Variants in SPAG16 observed in about 807,000 individuals in gnomAD.
SPAG16 encodes the protein sperm-associated antigen 16 protein.
In SPAG16, 86 loss-of-function variants were observed where a neutral mutation model predicts 80.4. The observed-to-expected ratio is 1.07, with a 90% CI of 0.90 to 1.28. The LOEUF is 1.28. Among genes scored for constraint, SPAG16 ranks in the 50% most tolerant of loss-of-function variants. The pLI, the probability that SPAG16 is intolerant of heterozygous loss-of-function variation, is 0.00. For synonymous variants in SPAG16, 294 were observed against 265.9 expected, an observed-to-expected ratio of 1.11 and a Z score of -1.03; for missense variants, 870 against 765.3, an observed-to-expected ratio of 1.14 and a Z score of -1.61.
intron 15 of SPAG16, among the ~76,000 whole-genome samples, chr2:214,337,263 G>C (rs1427973490): frequency 6.6e-6 from 1 of 152,150 alleles, no homozygotes; most frequent in Non-Finnish European, 1.5e-5. Context: ...TAGGAAGCTT[G>C]TTGTAAAAAT....
Position 213,940,828 on chromosome 2 carries a change from A to C in SPAG16, c.1400+10683A>C, listed in dbSNP as rs868801597. 3.3e-5 allele frequency among the ~76,000 whole-genome samples: 5 copies of C among 152,308 alleles called. No homozygotes were observed. In the Middle Eastern group the frequency reaches 0.014, roughly 414 times the overall value. On this transcript the variant is annotated intron_variant, in intron 12 of 15. Transcript: ENST00000331683. Reference sequence around the variant, plus strand: ...ACACACATAAATTGTATATGCAATAACTTCTTACCCCTAACTCTTATTTCC... The same window carrying C: ...ACACACATAAATTGTATATGCAATACCTTCTTACCCCTAACTCTTATTTCC...
chr2:213,821,499 C>T (rs1254244430), intron 10 of SPAG16, among the ~76,000 whole-genome samples: 1 of 151,994 alleles, frequency 6.6e-6, no homozygotes. Context: ...AAGTAATAAT[C>T]ACATCAAAGT....
rs560481712 is a variant in SPAG16, at chr2:213,542,067, G to A, written c.1070+51977G>A. 7.1e-4 allele frequency among the ~76,000 whole-genome samples: 108 copies of A among 152,230 alleles called. 1 individual carries two copies. Among genetic ancestry groups the A allele is most frequent in the African/African-American group, 2.5e-3 (103 of 41,532 alleles). ...ATATTAAACCTGAGCTATACTTGAT[G>A]TATTAAATTAGTTTGATGAGAATTT... On this transcript the variant is annotated intron_variant, in intron 10 of 15. Transcript: ENST00000331683.
At chr2:214,349,696 A>T (rs935793940) in intron 15 of SPAG16, among the ~76,000 whole-genome samples, 2 of 152,242 alleles carry the variant, frequency 1.3e-5, no homozygotes, top group African/African-American at 4.8e-5. Flanking sequence ...TTATGTTCTC[A>T]CCACCAATGC....
chr2:213,546,271 C>A (rs888507669), intron 10 of SPAG16, among the ~76,000 whole-genome samples: 3 of 152,096 alleles, frequency 2.0e-5, no homozygotes, highest in African/African-American at 7.2e-5. Flanking sequence ...ATTTCTCCAT[C>A]TGTTTCCTGT....
intron 10 of SPAG16, among the ~76,000 whole-genome samples, chr2:213,600,093 A>C (rs2061011874): frequency 6.6e-6 from 1 of 152,058 alleles, no homozygotes; most frequent in Non-Finnish European, 1.5e-5. Context: ...GTATTGGTTT[A>C]AAGTTCATAC....
rs541640207 is a variant in SPAG16 at position 213,688,344 on chromosome 2, A to G, written c.1071-174141A>G. Among the ~76,000 whole-genome samples the G allele has an allele frequency of 2.0e-5, 3 of 152,314 alleles. No homozygotes were observed. The South Asian group carries it at 6.2e-4, about 32-fold the overall frequency. ...CTCAGTTAATCTCTTCAGGAATGGG[A>G]GGGCCTGGGAAAACAAAGATCTAGC... On this transcript the variant is annotated intron_variant, in intron 10 of 15. Coordinates refer to ENST00000331683, the MANE Select transcript of SPAG16 (RefSeq NM_024532.5).
chr2:213,395,910 T>TAAA (rs1180030820), intron 9 of SPAG16, among the ~76,000 whole-genome samples: 1 of 152,216 alleles, frequency 6.6e-6, no homozygotes, highest in African/African-American at 2.4e-5. Flanking sequence ...TTCACTTTGT[T>TAAA]TTATTCAGAT....
intron 10 of SPAG16, among the ~76,000 whole-genome samples, chr2:213,548,068 GC>G (rs1047363069): frequency 2.0e-5 from 3 of 152,140 alleles, no homozygotes; most frequent in Admixed American, 1.3e-4. Context: ...ACAGGGAAAA[GC>G]CCCAGAAGAG....
At chr2:214,195,419 T>A (rs1391654555) in intron 15 of SPAG16, among the ~76,000 whole-genome samples, 2 of 151,956 alleles carry the variant, frequency 1.3e-5, no homozygotes, top group Admixed American at 1.3e-4. Context: ...CTCTAACAAC[T>A]CTAGGAAAAG....
intron 4 of SPAG16, among the ~76,000 whole-genome samples, chr2:213,313,523 A>T (rs1438308843): frequency 6.6e-6 from 1 of 151,836 alleles, no homozygotes; most frequent in African/African-American, 2.4e-5. Context: ...AGTGAGTGTC[A>T]CCAAGTCATA....
At chr2:213,326,621 A>G (rs577874446) in intron 5 of SPAG16, among the ~76,000 whole-genome samples, 55 of 152,032 alleles carry the variant, frequency 3.6e-4, no homozygotes, top group Non-Finnish European at 7.2e-4. Context: ...TTTATAACCA[A>G]TTGAAGATAA....
intron 6 of SPAG16, among the ~76,000 whole-genome samples, chr2:213,341,878 G>A (rs1408420590): frequency 3.3e-5 from 5 of 152,050 alleles, no homozygotes; most frequent in African/African-American, 9.7e-5. Flanking sequence ...TATTATGAAC[G>A]TGCTTATTTT....
At chr2:214,026,367 T>C (rs2125028723) in intron 13 of SPAG16, among the ~76,000 whole-genome samples, 1 of 151,590 alleles carries the variant, frequency 6.6e-6, no homozygotes, top group South Asian at 2.1e-4. Context: ...TCTTCTTTGC[T>C]GACAAAACAA....
intron 10 of SPAG16, among the ~76,000 whole-genome samples, chr2:213,641,701 T>C (rs1309686570): frequency 6.6e-6 from 1 of 152,218 alleles, no homozygotes; most frequent in African/African-American, 2.4e-5. Flanking sequence ...GGGTAAATTA[T>C]TCTCTTGTGA....
At chr2:213,542,870 G>A (rs995953277) in intron 10 of SPAG16, among the ~76,000 whole-genome samples, 8 of 152,052 alleles carry the variant, frequency 5.3e-5, no homozygotes, top group Admixed American at 4.6e-4. Context: ...GTAAGCAGTA[G>A]AAAGTGAATA....
intron 6 of SPAG16, among the ~76,000 whole-genome samples, chr2:213,340,748 T>G (rs1344544931): frequency 6.6e-6 from 1 of 152,206 alleles, no homozygotes; most frequent in South Asian, 2.1e-4. Flanking sequence ...TATCTCTAAA[T>G]GACTATGAAT....
intron 15 of SPAG16, among the ~76,000 whole-genome samples, chr2:214,253,679 C>A (rs1191936887): frequency 1.3e-5 from 2 of 152,064 alleles, no homozygotes; most frequent in East Asian, 1.9e-4. Flanking sequence ...GTTTTGATAC[C>A]AGTACCGTGC....
chr2:213,640,125 AT>A (rs368780243), intron 10 of SPAG16, among the ~76,000 whole-genome samples: 1 of 151,400 alleles, frequency 6.6e-6, no homozygotes, highest in Non-Finnish European at 1.5e-5. Flanking sequence ...TTCTCTGGAG[AT>A]TTTTTTCATC....
Sources: gnomAD v4.1 joint callset for allele counts (sites outside exome capture counted in the v4.1 genomes callset) on GRCh38, gnomAD v4.1.1 for gene constraint, MANE v1.5 for transcripts, NCBI Gene and HGNC (gene_info 2026-07-23, HGNC 2026-07-21) for gene names.